Variants in SYMPK observed in about 807,000 individuals in gnomAD.
SYMPK encodes symplekin.
SYMPK carries 49 observed loss-of-function variants against 136.4 expected under a neutral mutation model. That is an observed-to-expected ratio of 0.36 (90% CI 0.29 to 0.46). The LOEUF (loss-of-function observed/expected upper bound fraction) is 0.46. SYMPK is among the 20% of genes least tolerant of loss of function. The pLI is 1.00. For synonymous variants in SYMPK, 766 were observed against 713.0 expected (o/e 1.07, Z -1.19); for missense variants, 1,365 against 1,690.0 (o/e 0.81, Z 3.37).
chr19:45,834,334 CT>C (rs1228087679), intron 11 of SYMPK, among the ~76,000 whole-genome samples: 2 of 152,004 alleles, frequency 1.3e-5, no homozygotes, highest in Non-Finnish European at 2.9e-5. Context: ...TGGCATGTGC[CT>C]GTAGTCCCAG....
intron 11 of SYMPK, among the ~76,000 whole-genome samples, chr19:45,833,453 T>G (rs189651073): frequency 6.6e-6 from 1 of 151,672 alleles, no homozygotes; most frequent in South Asian, 2.1e-4. Context: ...TACAATAAAA[T>G]TAGCTGGGCA....
chr19:45,847,941 C>T lies in SYMPK; in HGVS notation c.487G>A (p.Ala163Thr), dbSNP rs761726981. Residue 163 changes from alanine (A) to threonine (T), a missense_variant, in exon 7 of 27, where the codon GCC becomes ACC. Ala to Thr is a moderately conservative substitution (Grantham distance 58). Coordinates refer to ENST00000245934, the MANE Select transcript of SYMPK (RefSeq NM_004819.3). ...AGCAGGATGATGTCCCCCGCCATGG[C>T]AGATACCATGTCCCAGCAGGCCTCC... The part of the protein sequence containing the change: ...LQEACWDMVS[A>T]MAGDIILLLD... The T allele has an allele frequency of 1.2e-6, 2 of 1,610,668 alleles. No individual in the cohort carries two copies. Among genetic ancestry groups the T allele is most frequent in the Non-Finnish European group, 1.7e-6 (2 of 1,177,646 alleles).
rs141706016 is a variant in SYMPK, at chr19:45,829,111, C to A, written c.1844G>T (p.Arg615Leu). ...GAGCCAGGCGAAGGCCAGGTCCAGG[C>A]GGGCCCGCACATCCTCCAGGATGAA... ...LSFILEDVRA[R>L]LDLAFAWLYQ... Residue 615 changes from arginine (R) to leucine (L), a missense_variant, in exon 14 of 27, where the codon CGC becomes CTC. By Grantham distance (102) the Arg-to-Leu change is moderately radical. Transcript: ENST00000245934. 15 of 1,614,084 alleles carry A rather than the reference C, an allele frequency of 9.3e-6. No homozygotes were observed. In the Admixed American group the frequency reaches 2.3e-4, roughly 25 times the overall value.
chr19:45,854,262 G>GGGGATAGTGCC (rs1568626426), intron 2 of SYMPK, 22 bp from the exon 3 acceptor site: 1 of 1,613,158 alleles, frequency 6.2e-7, no homozygotes, highest in Non-Finnish European at 8.5e-7. Flanking sequence ...GGGAGTGGCA[G>GGGGATAGTGCC]GGGATAGTGC....
chr19:45,828,171 C>T (rs1022562006), intron 14 of SYMPK: 7 of 456,762 alleles, frequency 1.5e-5, no homozygotes, highest in African/African-American at 1.2e-4. Flanking sequence ...ACTTTATTCA[C>T]TGAACATAAG....
intron 6 of SYMPK, 128 bp from the exon 7 acceptor site, chr19:45,848,129 A>G (rs996495995): frequency 5.9e-5 from 72 of 1,227,234 alleles, no homozygotes; most frequent in Non-Finnish European, 7.1e-5. Context: ...GTTAACAGTT[A>G]CTGAGTTCCA....
chr19:45,842,496 G>A lies in SYMPK; in HGVS notation c.848-7C>T. On this transcript the variant is annotated splice_polypyrimidine_tract_variant and splice_region_variant and intron_variant, in intron 8 of 26. Transcript: ENST00000245934. ...AGCGTCGGGGGCAGGTTGGCTGTGAGGAAAGTGGCAGGAGCTGTGTCTTGT... is the reference window on the plus strand; with the variant it reads ...AGCGTCGGGGGCAGGTTGGCTGTGAAGAAAGTGGCAGGAGCTGTGTCTTGT... 2 of 1,608,194 alleles carry A rather than the reference G, an allele frequency of 1.2e-6. No individual in the cohort carries two copies. The highest frequency in any genetic ancestry group is 8.5e-7 in the Non-Finnish European group (1 of 1,176,170).
At chr19:45,843,072 T>C (rs8106955) in intron 8 of SYMPK, 110,162 of 152,556 alleles carry the variant, frequency 0.72, 40,296 homozygotes, top group African/African-American at 0.83. Context: ...CACATTCCCT[T>C]GGCCACTGTA....
intron 7 of SYMPK, among the ~76,000 whole-genome samples, chr19:45,846,090 G>T (rs962174886): frequency 6.6e-6 from 1 of 152,188 alleles, no homozygotes; most frequent in African/African-American, 2.4e-5. Flanking sequence ...CAAAAAATTA[G>T]CCGGGCGTGG....
intron 15 of SYMPK, 101 bp from the exon 16 acceptor site, chr19:45,827,724 C>A: frequency 6.7e-7 from 1 of 1,492,002 alleles, no homozygotes; most frequent in Non-Finnish European, 9.3e-7. Context: ...ACAAAAGGGC[C>A]CGGTCCCTCA....
rs759215017 is a variant in SYMPK at position 45,821,272 on chromosome 19, TGTGA to T, written c.2893+108_2893+111del. On this transcript the variant is annotated intron_variant, in intron 22 of 26. Transcript: ENST00000245934. This position sits in a 1 kb window ranked among gnomAD's most constrained non-coding sequence, Gnocchi z 4.4. ...GCTCTCCAGAGCTCTGAGGTGGGGC[TGTGA>T]GTGACAGTCTTTGACTTGGCAGATT... is the stretch of plus-strand genomic sequence containing the variant. 6.1e-6 allele frequency: 5 copies of T among 825,692 alleles called. No homozygotes were observed. The East Asian group carries it at 9.9e-5, about 16-fold the overall frequency. The allele number at this position is 825,692 out of a possible 1,614,324, so 51.1% of individuals were successfully genotyped here.
At chr19:45,829,246 A>G (rs754891683) in intron 13 of SYMPK, 41 bp from the exon 14 acceptor site, 1 of 1,567,300 alleles carries the variant, frequency 6.4e-7, no homozygotes, top group Non-Finnish European at 8.8e-7. Flanking sequence ...TAGGGTGGGC[A>G]ATCCAGGGAC....
intron 20 of SYMPK, 43 bp from the exon 21 acceptor site, chr19:45,822,889 A>C (rs1600494460): frequency 6.7e-7 from 1 of 1,497,920 alleles, no homozygotes; most frequent in Non-Finnish European, 9.3e-7. Flanking sequence ...AGTCACATAC[A>C]CCCTCATTTC....
chr19:45,858,537 C>T (rs1487693699), intron 1 of SYMPK, among the ~76,000 whole-genome samples: 3 of 151,558 alleles, frequency 2.0e-5, no homozygotes, highest in African/African-American at 4.8e-5. Context: ...TTTTTTGAGA[C>T]GGAGTTTCCC....
At chr19:45,834,734 T>C (rs552442832) in intron 11 of SYMPK, among the ~76,000 whole-genome samples, 2 of 152,310 alleles carry the variant, frequency 1.3e-5, no homozygotes, top group African/African-American at 4.8e-5. Flanking sequence ...CTAAGGTCTA[T>C]AATTAAGAGT....
intron 9 of SYMPK, among the ~76,000 whole-genome samples, chr19:45,839,561 G>T (rs1971386872): frequency 3.9e-5 from 6 of 152,148 alleles, no homozygotes; most frequent in Admixed American, 3.3e-4. Flanking sequence ...AAACCACTGG[G>T]TGAGGCTGGG....
At chr19:45,847,692 C>A in intron 7 of SYMPK, 60 bp downstream of exon 7, 5 of 1,562,514 alleles carry the variant, frequency 3.2e-6, no homozygotes, top group Non-Finnish European at 4.3e-6. Flanking sequence ...GAGGGAGGGG[C>A]GTGAAGGAGA....
rs578192730 is a variant in SYMPK, at chr19:45,838,609, T to G, written c.1094A>C (p.Asn365Thr). Residue 365 changes from asparagine to threonine, a missense_variant, in exon 10 of 27, where the codon AAC (asparagine) becomes ACC (threonine). Transcript: ENST00000245934. ...STLKKMKLEPNLGEDDEDKDL... is the reference protein window; with the variant it reads ...STLKKMKLEPTLGEDDEDKDL... ...TTTGTCCTCATCGTCCTCCCCCAGG[T>G]TGGGCTCTGGGATGAGGGAAAAGAA... is the stretch of plus-strand genomic sequence containing the variant. The G allele has an allele frequency of 6.2e-7, 1 of 1,613,608 alleles. No homozygotes were observed. Among genetic ancestry groups the G allele is most frequent in the Non-Finnish European group, 8.5e-7 (1 of 1,179,666 alleles).
At position 45,816,521 on chromosome 19, in the gene SYMPK, C is replaced by T. The variant is rs540584173; in HGVS notation, c.3315G>A (p.Glu1105=). The T allele has an allele frequency of 2.5e-6, 4 of 1,613,664 alleles. No homozygotes were observed. The highest frequency in any genetic ancestry group is 2.2e-5 in the South Asian group (2 of 91,074). ...MTILEASGKQ[E]PEAKEAPAGP... The stretch of plus-strand genomic sequence containing the variant: ...CCGCAGGCGCCTCCTTGGCCTCTGG[C>T]TCCTGCTTGCCGCTGGCCTCCAAGA... Residue 1105 remains glutamate (E), a synonymous_variant, in exon 25 of 27, where the codon GAG becomes GAA. Coordinates refer to ENST00000245934, the MANE Select transcript of SYMPK (RefSeq NM_004819.3).
Sources: allele counts gnomAD v4.1 joint callset (sites outside exome capture counted in the v4.1 genomes callset), GRCh38; gene constraint gnomAD v4.1.1; non-coding constraint Gnocchi (gnomAD v3.1); transcripts MANE v1.5; gene names NCBI Gene and HGNC (gene_info 2026-07-23, HGNC 2026-07-21).